The following PXDNL variants were observed in gnomAD, a reference collection of about 807,000 sequenced individuals.
PXDNL encodes the protein probable oxidoreductase PXDNL.
Under a neutral mutation model 150.8 loss-of-function variants are expected in PXDNL, and 145 were observed. The observed-to-expected ratio is 0.96, with a 90% confidence interval of 0.84 to 1.10. The LOEUF is 1.10. Ranked by LOEUF, PXDNL falls within the 50% of genes least tolerant of loss-of-function variation. PXDNL has a pLI of 0.00. For missense variants in PXDNL, 2,087 were observed against 1,873.9 expected (o/e 1.11, Z -2.10); for synonymous variants, 757 against 725.7 (o/e 1.04, Z -0.69).
At chr8:51,339,472 G>C (rs1805926476) in intron 21 of PXDNL, among the ~76,000 whole-genome samples, 152 bp downstream of exon 21, 2 of 151,736 alleles carry the variant, frequency 1.3e-5, no homozygotes, top group African/African-American at 4.8e-5. Flanking sequence ...AAAAGCAAAA[G>C]TAAAAACAAA....
intron 19 of PXDNL, among the ~76,000 whole-genome samples, chr8:51,355,461 T>C (rs1024804128): frequency 6.6e-6 from 1 of 152,214 alleles, no homozygotes; most frequent in Non-Finnish European, 1.5e-5. Context: ...AATATACATC[T>C]GTTGACTCTT....
rs1391154840 is a variant in PXDNL at position 51,683,181 on chromosome 8, A to ATATATG, written c.165-28422_165-28421insCATATA. ...TTGTCTTTCATATATATATATATAT[A>ATATATG]TATATATATATATATATATGCCTAT... On this transcript the variant is annotated intron_variant, in intron 1 of 22. Coordinates refer to ENST00000356297, the MANE Select transcript of PXDNL (RefSeq NM_144651.5). Among the ~76,000 whole-genome samples, 5 of 125,142 alleles carry ATATATG rather than the reference A, an allele frequency of 4.0e-5. No homozygotes were observed. In the East Asian group the frequency reaches 1.4e-3, roughly 34 times the overall value. 82.1% of individuals were successfully genotyped at this position (125,142 alleles called of 152,430 possible). A position where few individuals can be genotyped will look rare whatever the true frequency, so the allele number is the denominator to read the frequency against.
rs1408767970 is a variant in PXDNL, at chr8:51,646,168, G to A, written c.236+8521C>T. Among the ~76,000 whole-genome samples, 3 of 152,190 alleles carry A rather than the reference G, an allele frequency of 2.0e-5. No homozygotes were observed. In the East Asian group the frequency reaches 5.8e-4, roughly 29 times the overall value. On this transcript the variant is annotated intron_variant, in intron 2 of 22. Transcript: ENST00000356297. ...TGTTAAGTGAAGTCTTAAGGACACT[G>A]CCCTGATCCAGTGACACTGGTGTCC...
intron 5 of PXDNL, among the ~76,000 whole-genome samples, chr8:51,487,105 T>C (rs527954293): frequency 1.8e-4 from 28 of 152,136 alleles, no homozygotes; most frequent in Admixed American, 8.5e-4. Context: ...AAAGTTTATA[T>C]AATTATTTGC....
chr8:51,329,363 C>T (rs976767417), intron 21 of PXDNL, among the ~76,000 whole-genome samples: 2 of 152,166 alleles, frequency 1.3e-5, no homozygotes, highest in Non-Finnish European at 2.9e-5. Flanking sequence ...GCCATGGCAT[C>T]TACAGCTACA....
At position 51,470,379 on chromosome 8, in the gene PXDNL, CA is replaced by C. The variant is rs545769937; in HGVS notation, c.812+1807del. 4.3e-3 allele frequency among the ~76,000 whole-genome samples: 647 copies of C among 151,348 alleles called. 9 individuals are homozygous for C. The highest frequency in any genetic ancestry group is 0.015 in the African/African-American group (622 of 41,322). ...ATAAATCCAAATTACACACAAAAAG[CA>C]AAAAAGTTGTATAATATATTTTAGA... is the stretch of plus-strand genomic sequence containing the variant. On this transcript the variant is annotated intron_variant, in intron 8 of 22. Transcript: ENST00000356297.
Position 51,455,115 on chromosome 8 carries a change from C to CAAAAAAAA in PXDNL, c.983-1338_983-1331dup, listed in dbSNP as rs536468204. Among the ~76,000 whole-genome samples, 2 of 15,858 alleles carry CAAAAAAAA rather than the reference C, an allele frequency of 1.3e-4. 1 individual carries two copies. Among genetic ancestry groups the CAAAAAAAA allele is most frequent in the Non-Finnish European group, 2.1e-4 (2 of 9,522 alleles). The allele number at this position is 15,858 out of a possible 152,430, so 10.4% of individuals were successfully genotyped here. On this transcript the variant is annotated intron_variant, in intron 9 of 22. Coordinates refer to ENST00000356297, the MANE Select transcript of PXDNL (RefSeq NM_144651.5). ...TGGGCGACAGAGCGAGACTCCGTCT[C>CAAAAAAAA]AAAAAAAAAAAAAAAAAAGAGGTAA...
At chr8:51,697,542 G>T (rs1816174253) in intron 1 of PXDNL, among the ~76,000 whole-genome samples, 1 of 152,136 alleles carries the variant, frequency 6.6e-6, no homozygotes, top group South Asian at 2.1e-4. Flanking sequence ...AGATGTCCCT[G>T]AGAGCTCAAA....
At chr8:51,589,667 TTAAC>T (rs1231894810) in intron 3 of PXDNL, among the ~76,000 whole-genome samples, 3 of 152,162 alleles carry the variant, frequency 2.0e-5, no homozygotes, top group Non-Finnish European at 4.4e-5. Flanking sequence ...TTAAGGGTGA[TTAAC>T]TAAGATGTCT....
chr8:51,578,524 C>T (rs1343644590), intron 3 of PXDNL, among the ~76,000 whole-genome samples: 1 of 151,796 alleles, frequency 6.6e-6, no homozygotes, highest in Non-Finnish European at 1.5e-5. Flanking sequence ...TTTAAAGTTT[C>T]ATAGAGTAAA....
chr8:51,323,232 A>C (rs747310727), intron 21 of PXDNL, among the ~76,000 whole-genome samples: 4 of 152,218 alleles, frequency 2.6e-5, no homozygotes, highest in Non-Finnish European at 5.9e-5. Flanking sequence ...TCAAATTTAA[A>C]TAAGCTAACA....
chr8:51,735,118 A>G (rs990240057), intron 1 of PXDNL, among the ~76,000 whole-genome samples: 1 of 152,248 alleles, frequency 6.6e-6, no homozygotes, highest in African/African-American at 2.4e-5. Flanking sequence ...TCATTCTACA[A>G]TGTAAACATA....
rs79982795 is a variant in PXDNL at position 51,629,856 on chromosome 8, T to C, written c.236+24833A>G. 2.0e-5 allele frequency among the ~76,000 whole-genome samples: 3 copies of C among 152,132 alleles called. No homozygotes were observed. The East Asian group carries it at 5.8e-4, about 29-fold the overall frequency. On this transcript the variant is annotated intron_variant, in intron 2 of 22. Coordinates refer to ENST00000356297, the MANE Select transcript of PXDNL (RefSeq NM_144651.5). ...CTCGAAAATGAATAATAAGATGGCA[T>C]ACTGCCCAAAGCAATTTGCAGATTC...
chr8:51,787,502 T>C (rs1398514092), intron 1 of PXDNL, among the ~76,000 whole-genome samples: 1 of 152,228 alleles, frequency 6.6e-6, no homozygotes, highest in Non-Finnish European at 1.5e-5. Flanking sequence ...AAGACTTCAG[T>C]GGAGGAAGTA....
chr8:51,565,949 T>A (rs1340880295), intron 3 of PXDNL, among the ~76,000 whole-genome samples: 1 of 151,874 alleles, frequency 6.6e-6, no homozygotes, highest in Non-Finnish European at 1.5e-5. Context: ...GGGGTTTTTT[T>A]TGGATCTTCT....
intron 1 of PXDNL, among the ~76,000 whole-genome samples, chr8:51,735,549 T>G (rs868526712): frequency 5.9e-4 from 71 of 120,956 alleles, no homozygotes; most frequent in Middle Eastern, 3.8e-3. Flanking sequence ...TTTTTTTTTT[T>G]TTTTTTTTTT....
chr8:51,598,176 C>T (rs1813616402), intron 2 of PXDNL, among the ~76,000 whole-genome samples: 1 of 152,078 alleles, frequency 6.6e-6, no homozygotes, highest in Non-Finnish European at 1.5e-5. Flanking sequence ...TCATATTGTC[C>T]ACAAAGAGAG....
At chr8:51,638,109 A>C (rs138567421) in intron 2 of PXDNL, among the ~76,000 whole-genome samples, 2,718 of 152,316 alleles carry the variant, frequency 0.018, 78 homozygotes, top group African/African-American at 0.063. Context: ...CTAGCTTCAT[A>C]ACTGAAGGAT....
chr8:51,695,868 G>A (rs764299748), intron 1 of PXDNL, among the ~76,000 whole-genome samples: 13 of 152,158 alleles, frequency 8.5e-5, no homozygotes, highest in African/African-American at 2.9e-4. Context: ...ATGCTCCCTC[G>A]ACTATTACTG....
Sources: gnomAD v4.1 joint callset for allele counts (sites outside exome capture counted in the v4.1 genomes callset) on GRCh38, gnomAD v4.1.1 for gene constraint, MANE v1.5 for transcripts, NCBI Gene and HGNC (gene_info 2026-07-23, HGNC 2026-07-21) for gene names.